The following ACBD5 variants were observed in gnomAD, a reference collection of about 807,000 sequenced individuals.
ACBD5 encodes acyl-CoA binding domain containing 5, also known as acyl-CoA-binding domain-containing protein 5.
ACBD5 carries 40 observed loss-of-function variants against 71.8 expected under a neutral mutation model. That is an observed-to-expected ratio of 0.56 (90% CI 0.43 to 0.72). ACBD5 has a LOEUF of 0.72. Among genes scored for constraint, ACBD5 ranks in the 30% least tolerant of loss-of-function variants. ACBD5 has a pLI of 0.00. For synonymous variants in ACBD5, 229 were observed against 218.6 expected (o/e 1.05, Z -0.42); for missense variants, 559 against 644.5 (o/e 0.87, Z 1.44).
At chr10:27,240,891 C>T, upstream of ACBD5, 1 of 719,832 alleles carries the variant, frequency 1.4e-6, no homozygotes, top group Non-Finnish European at 2.3e-6. The surrounding 1 kb of genome is among the most constrained non-coding windows in gnomAD (Gnocchi z 4.1). Context: ...CAAACCCCAC[C>T]CACCCGACCC....
intron 13 of ACBD5, among the ~76,000 whole-genome samples, chr10:27,189,393 C>A (rs1411775911): frequency 6.6e-6 from 1 of 152,172 alleles, no homozygotes; most frequent in East Asian, 1.9e-4. Flanking sequence ...TTATTTCCAG[C>A]ACTTTGGACA....
At chr10:27,232,537 A>G (rs571324052) in intron 3 of ACBD5, among the ~76,000 whole-genome samples, 2 of 152,208 alleles carry the variant, frequency 1.3e-5, no homozygotes, top group East Asian at 1.9e-4. Context: ...CATGTTGGCC[A>G]GGTTGGTCTC....
At chr10:27,230,875 C>CT (rs1261325718) in intron 4 of ACBD5, among the ~76,000 whole-genome samples, 3 of 151,362 alleles carry the variant, frequency 2.0e-5, no homozygotes, top group Non-Finnish European at 4.4e-5. Flanking sequence ...AAAAGAATGC[C>CT]TTTGACACAC....
intron 7 of ACBD5, among the ~76,000 whole-genome samples, chr10:27,216,895 T>C (rs7923708): frequency 0.07 from 10,567 of 151,468 alleles, 685 homozygotes; most frequent in African/African-American, 0.17. Flanking sequence ...GCCTGTAATC[T>C]CAGCACTTTG....
At chr10:27,212,747 C>T (rs113199321) in intron 8 of ACBD5, among the ~76,000 whole-genome samples, 6,006 of 152,052 alleles carry the variant, frequency 0.039, 144 homozygotes, top group African/African-American at 0.067. Flanking sequence ...CGGGGTTTTG[C>T]CATGTTGCTC....
chr10:27,204,620 T>G, intron 11 of ACBD5, 71 bp from the exon 12 acceptor site: 1 of 1,086,656 alleles, frequency 9.2e-7, no homozygotes, highest in Non-Finnish European at 1.4e-6. Flanking sequence ...ACATACCTAA[T>G]TCATAATTTT....
At position 27,205,237 on chromosome 10, in the gene ACBD5, T is replaced by G. The variant is rs1378932340; in HGVS notation, c.1416A>C (p.Ser472=). 1 of 1,613,180 alleles carries G rather than the reference T, an allele frequency of 6.2e-7. No homozygotes were observed. Among genetic ancestry groups the G allele is most frequent in the Non-Finnish European group, 8.5e-7 (1 of 1,179,726 alleles). Residue 472 remains serine (S), a synonymous_variant, in exon 11 of 13, where the codon TCA becomes TCC. Transcript: ENST00000396271. ...GAGGAGCAGTCTGCAATGTTGATGTTGATGATTTTGCCTGTAAATGCAAAT... is the reference window on the plus strand; with the variant it reads ...GAGGAGCAGTCTGCAATGTTGATGTGGATGATTTTGCCTGTAAATGCAAAT... The part of the protein sequence containing the change: ...ETLTALQAKS[S]TSTLQTAPQP...
At chr10:27,238,020 A>G (rs1272589449) in intron 2 of ACBD5, among the ~76,000 whole-genome samples, 1 of 151,670 alleles carries the variant, frequency 6.6e-6, no homozygotes, top group Non-Finnish European at 1.5e-5. Context: ...ATCTAGGCTC[A>G]CTGCAAGCTC....
intron 3 of ACBD5, among the ~76,000 whole-genome samples, chr10:27,234,739 G>T (rs649623): frequency 6.6e-6 from 1 of 152,214 alleles, no homozygotes; most frequent in Non-Finnish European, 1.5e-5. Context: ...CGAGACCAGC[G>T]TGGCCAACAT....
chr10:27,233,039 T>C (rs2064106737), intron 3 of ACBD5, among the ~76,000 whole-genome samples: 1 of 152,110 alleles, frequency 6.6e-6, no homozygotes, highest in Admixed American at 6.6e-5. Context: ...TAAAGGAAAG[T>C]AGAGAACTAA....
intron 11 of ACBD5, 66 bp downstream of exon 11, chr10:27,205,126 CAAACAA>C: frequency 2.0e-6 from 3 of 1,480,882 alleles, no homozygotes; most frequent in East Asian, 2.4e-5. Context: ...GACTCCGTAT[CAAACAA>C]AAACAAAAAC....
Position 27,196,090 on chromosome 10 carries a change from T to C in ACBD5, c.*1340A>G, listed in dbSNP as rs1318159429. 1 of 440,788 alleles carries C rather than the reference T, an allele frequency of 2.3e-6. No homozygotes were observed. The highest frequency in any genetic ancestry group is 7.0e-5 in the East Asian group (1 of 14,274). 27.3% of individuals were successfully genotyped at this position (440,788 alleles called of 1,614,324 possible). ...GGTGGTGCATGCCTGTAATCCCAGC[T>C]ACTTGGGAGTGAGGCAGGAGAATCA... On this transcript the variant is annotated 3_prime_UTR_variant, in exon 13 of 13. Transcript: ENST00000396271.
intron 10 of ACBD5, among the ~76,000 whole-genome samples, chr10:27,206,945 C>T (rs2060524873): frequency 1.3e-5 from 2 of 151,950 alleles, no homozygotes; most frequent in South Asian, 2.1e-4. Flanking sequence ...TTCATGGACT[C>T]CTGGAAGTCT....
intron 10 of ACBD5, among the ~76,000 whole-genome samples, chr10:27,207,113 TA>T (rs1294330700): frequency 4.6e-5 from 7 of 151,616 alleles, no homozygotes; most frequent in African/African-American, 1.7e-4. Flanking sequence ...CCGTCTCTAC[TA>T]AAAATACAAA....
intron 13 of ACBD5, among the ~76,000 whole-genome samples, chr10:27,187,830 A>G (rs2058860379): frequency 6.6e-6 from 1 of 152,222 alleles, no homozygotes; most frequent in African/African-American, 2.4e-5. Context: ...ATTTTAATAG[A>G]AAATGTGATG....
chr10:27,221,405 T>A (rs788216), intron 5 of ACBD5, among the ~76,000 whole-genome samples: 29,705 of 152,200 alleles, frequency 0.2, 3,560 homozygotes, highest in East Asian at 0.32. Context: ...CAAATGAGTT[T>A]ACCAAAAAAC....
chr10:27,225,665 A>G (rs943302366), intron 4 of ACBD5, among the ~76,000 whole-genome samples: 23 of 152,222 alleles, frequency 1.5e-4, no homozygotes, highest in Admixed American at 1.3e-3. Context: ...GTTGTAATAT[A>G]TTTGAATTAT....
intron 2 of ACBD5, among the ~76,000 whole-genome samples, chr10:27,238,512 T>A (rs641128): frequency 6.6e-6 from 1 of 152,190 alleles, no homozygotes; most frequent in African/African-American, 2.4e-5. Flanking sequence ...CACTAATAAT[T>A]AGGGACTTAA....
chr10:27,211,777 T>C (rs1480031156), intron 8 of ACBD5, among the ~76,000 whole-genome samples: 1 of 152,292 alleles, frequency 6.6e-6, no homozygotes, highest in East Asian at 1.9e-4. Flanking sequence ...AGAACCTAAA[T>C]GTGTTTTTAA....
Sources: gnomAD v4.1 joint callset for allele counts (sites outside exome capture counted in the v4.1 genomes callset) on GRCh38, gnomAD v4.1.1 for gene constraint, Gnocchi (gnomAD v3.1) non-coding constraint, MANE v1.5 for transcripts, NCBI Gene and HGNC (gene_info 2026-07-23, HGNC 2026-07-21) for gene names.